STX12: variants seen among roughly 807,000 people sequenced by gnomAD.
STX12 encodes the protein syntaxin-12.
STX12 carries 17 observed loss-of-function variants against 42.2 expected under a neutral mutation model. The ratio of observed to expected loss-of-function variants is 0.40; its 90% CI spans 0.28 to 0.60. The LOEUF is 0.60. STX12 is among the 20% of genes least tolerant of loss of function. The pLI, the probability that STX12 is intolerant of heterozygous loss-of-function variation, is 0.39. For missense variants in STX12, 297 were observed against 330.9 expected (o/e 0.90, Z 0.79); for synonymous variants, 108 against 116.7 (o/e 0.93, Z 0.48).
intron 2 of STX12, among the ~76,000 whole-genome samples, chr1:27,791,631 C>T (rs1402734251): frequency 1.3e-5 from 2 of 152,034 alleles, no homozygotes; most frequent in African/African-American, 2.4e-5. Flanking sequence ...CTGGCTAACA[C>T]GGTGAAACCC....
intron 4 of STX12, among the ~76,000 whole-genome samples, chr1:27,807,174 C>G (rs1449676382): frequency 6.6e-6 from 1 of 152,000 alleles, no homozygotes; most frequent in African/African-American, 2.4e-5. Context: ...GGGTGTCTAT[C>G]CCCTCAAGCA....
chr1:27,812,379 T>C, intron 6 of STX12, 111 bp downstream of exon 6: 1 of 789,470 alleles, frequency 1.3e-6, no homozygotes, highest in Non-Finnish European at 2.0e-6. Flanking sequence ...AATGTGTCAT[T>C]GTGTGATTTG....
chr1:27,781,351 T>C (rs995926322), intron 1 of STX12, among the ~76,000 whole-genome samples: 5 of 152,056 alleles, frequency 3.3e-5, no homozygotes, highest in Non-Finnish European at 7.4e-5. Context: ...GCCCCAGTGG[T>C]GACATTATTA....
intron 2 of STX12, among the ~76,000 whole-genome samples, chr1:27,791,874 C>G (rs146336473): frequency 0.023 from 3,501 of 151,360 alleles, 114 homozygotes; most frequent in African/African-American, 0.079. Context: ...GTCACAGCTG[C>G]TTGGGAGGCT....
Position 27,810,266 on chromosome 1 carries a change from G to A in STX12, c.447G>A (p.Glu149=), listed in dbSNP as rs1019473581. ...TCTAGGCAGAAGAGAGGCAAAGAGA[G>A]GAGCAGCTGGTCTCATTTGACAGGT... ...SRLSAEERQR[E]EQLVSFDSHE... The change falls in exon 5 of 9, where the codon GAG becomes GAA. Residue 149 remains glutamate, a synonymous_variant. Transcript: ENST00000373943. 5 of 1,613,552 alleles carry A rather than the reference G, an allele frequency of 3.1e-6. No individual in the cohort carries two copies. Among genetic ancestry groups the A allele is most frequent in the African/African-American group, 1.3e-5 (1 of 74,920 alleles).
At chr1:27,789,691 T>TG (rs2088725743) in intron 2 of STX12, 60 bp downstream of exon 2, 1 of 1,298,306 alleles carries the variant, frequency 7.7e-7, no homozygotes. Context: ...ACAGTGTCCT[T>TG]GCCAGACAGC....
intron 1 of STX12, among the ~76,000 whole-genome samples, chr1:27,781,099 A>C (rs2088665082): frequency 1.3e-5 from 2 of 152,228 alleles, no homozygotes; most frequent in South Asian, 4.1e-4. Flanking sequence ...GCTGGAGTAC[A>C]GTGGCGCAAT....
intron 5 of STX12, among the ~76,000 whole-genome samples, chr1:27,811,628 C>T (rs976728733): frequency 1.3e-5 from 2 of 151,666 alleles, no homozygotes; most frequent in Non-Finnish European, 2.9e-5. Flanking sequence ...TGAGCCACCG[C>T]GCCTGGCCTG....
chr1:27,781,160 C>T (rs1401300485), intron 1 of STX12, among the ~76,000 whole-genome samples: 1 of 152,090 alleles, frequency 6.6e-6, no homozygotes, highest in East Asian at 1.9e-4. Context: ...TCTCATGCCT[C>T]AGCCTCCTGA....
rs1430179581 is a variant in STX12 at position 27,808,467 on chromosome 1, G to A, written c.427-1779G>A. 2.6e-5 allele frequency among the ~76,000 whole-genome samples: 4 copies of A among 151,770 alleles called. No homozygotes were observed. In the East Asian group the frequency reaches 5.8e-4, roughly 22 times the overall value. On this transcript the variant is annotated intron_variant, in intron 4 of 8. Transcript: ENST00000373943. ...AGCAATTCTCCTGCCTTAGCCTCTC[G>A]AGTAGCTGGGATTACAGGCACCCAC... is the stretch of plus-strand genomic sequence containing the variant.
At chr1:27,815,835 A>G (rs1317942850) in intron 6 of STX12, among the ~76,000 whole-genome samples, 1 of 152,186 alleles carries the variant, frequency 6.6e-6, no homozygotes, top group African/African-American at 2.4e-5. Context: ...CCCCTTTAAT[A>G]AGACAGGTTT....
intron 2 of STX12, among the ~76,000 whole-genome samples, chr1:27,791,043 C>G (rs1242379036): frequency 1.3e-5 from 2 of 151,990 alleles, no homozygotes; most frequent in Non-Finnish European, 2.9e-5. Context: ...GGCAGATCAC[C>G]CGAGGTCGGG....
intron 1 of STX12, among the ~76,000 whole-genome samples, chr1:27,781,712 T>C (rs529371806): frequency 6.6e-6 from 1 of 152,300 alleles, no homozygotes; most frequent in African/African-American, 2.4e-5. Context: ...TCAAGCTTTT[T>C]GATATTGTCA....
At chr1:27,793,243 C>T (rs979578199) in intron 2 of STX12, among the ~76,000 whole-genome samples, 1 of 152,170 alleles carries the variant, frequency 6.6e-6, no homozygotes, top group Non-Finnish European at 1.5e-5. Context: ...ATATTTTTAT[C>T]AGAACTGCTG....
intron 1 of STX12, among the ~76,000 whole-genome samples, chr1:27,785,112 TG>T (rs1015271978): frequency 6.6e-6 from 1 of 152,362 alleles, no homozygotes; most frequent in Admixed American, 6.5e-5. Flanking sequence ...CTTGATACTT[TG>T]GCATACTTCT....
intron 1 of STX12, among the ~76,000 whole-genome samples, chr1:27,782,970 C>T (rs761035389): frequency 1.3e-5 from 2 of 152,174 alleles, no homozygotes; most frequent in Non-Finnish European, 2.9e-5. Flanking sequence ...ATCATTTTCT[C>T]ATTTGGTGTA....
At chr1:27,792,953 TG>T (rs2088759276) in intron 2 of STX12, among the ~76,000 whole-genome samples, 1 of 152,220 alleles carries the variant, frequency 6.6e-6, no homozygotes, top group Non-Finnish European at 1.5e-5. Flanking sequence ...AAGGCTTCTT[TG>T]TTTTGGAGGG....
chr1:27,821,102 G>T (rs1455371996), intron 8 of STX12, among the ~76,000 whole-genome samples: 1 of 150,698 alleles, frequency 6.6e-6, no homozygotes, highest in Non-Finnish European at 1.5e-5. Context: ...CACCAGCATG[G>T]CACATGTATA....
At chr1:27,795,286 A>G (rs532860001) in intron 3 of STX12, among the ~76,000 whole-genome samples, 2 of 151,820 alleles carry the variant, frequency 1.3e-5, no homozygotes, top group African/African-American at 4.8e-5. Flanking sequence ...GTATGTATGG[A>G]TGGATCATGA....
Sources: gnomAD v4.1 joint callset for allele counts (sites outside exome capture counted in the v4.1 genomes callset) on GRCh38, gnomAD v4.1.1 for gene constraint, MANE v1.5 for transcripts, NCBI Gene and HGNC (gene_info 2026-07-23, HGNC 2026-07-21) for gene names.